Variants in NCOA2 observed in about 807,000 individuals in gnomAD.
The protein encoded by NCOA2 is nuclear receptor coactivator 2.
Under a neutral mutation model 145.1 loss-of-function variants are expected in NCOA2, and 21 were observed. The observed-to-expected ratio is 0.14, with a 90% CI of 0.10 to 0.21. NCOA2 has a LOEUF of 0.21. NCOA2 is among the 10% of genes least tolerant of loss of function. The pLI is 1.00. For synonymous variants in NCOA2, 619 were observed against 637.5 expected (o/e 0.97, Z 0.44); for missense variants, 1,472 against 1,837.6 (o/e 0.80, Z 3.64).
At chr8:70,140,886 C>T (rs1327999580) in intron 14 of NCOA2, among the ~76,000 whole-genome samples, 4 of 151,928 alleles carry the variant, frequency 2.6e-5, no homozygotes, top group Admixed American at 1.3e-4. Context: ...CGTGAGTCAC[C>T]GTGCCTGGCC....
At chr8:70,161,461 G>A (rs1812990555) in intron 9 of NCOA2, among the ~76,000 whole-genome samples, 1 of 152,102 alleles carries the variant, frequency 6.6e-6, no homozygotes, top group Admixed American at 6.5e-5. Context: ...GAAGACACAA[G>A]TTGTTGGATT....
chr8:70,118,084 C>A (rs1807349848), intron 22 of NCOA2, among the ~76,000 whole-genome samples: 1 of 152,172 alleles, frequency 6.6e-6, no homozygotes, highest in Admixed American at 6.5e-5. Context: ...TCTCGGGGCA[C>A]CTGCTCTGCT....
In NCOA2 at chr8:70,208,483, A is replaced by C. The variant is rs186561937; in HGVS notation, c.259+5420T>G. Among the ~76,000 whole-genome samples the C allele has an allele frequency of 1.4e-3, 207 of 152,352 alleles. 2 individuals carry two copies. The highest frequency in any genetic ancestry group is 2.6e-3 in the Non-Finnish European group (180 of 68,032). Reference sequence around the variant, plus strand: ...TGGTTACACTAAGCAATAGATTTTCAATGTAGACAAAAAAACCTTCTGTTG... The same window carrying C: ...TGGTTACACTAAGCAATAGATTTTCCATGTAGACAAAAAAACCTTCTGTTG... On this transcript the variant is annotated intron_variant, in intron 4 of 22. Transcript: ENST00000452400.
intron 1 of NCOA2, among the ~76,000 whole-genome samples, chr8:70,305,460 G>C (rs553725791): frequency 7.2e-5 from 11 of 152,312 alleles, no homozygotes; most frequent in African/African-American, 2.6e-4. Flanking sequence ...GAGGGCAAGA[G>C]AGGAGGTGTC....
At chr8:70,205,199 G>C (rs899280884) in intron 4 of NCOA2, among the ~76,000 whole-genome samples, 2 of 151,818 alleles carry the variant, frequency 1.3e-5, no homozygotes, top group Non-Finnish European at 2.9e-5. Context: ...ATTAGAAAGT[G>C]TTTTGTGAAA....
At chr8:70,146,733 T>C (rs1811105979) in intron 12 of NCOA2, among the ~76,000 whole-genome samples, 4 of 152,046 alleles carry the variant, frequency 2.6e-5, no homozygotes, top group African/African-American at 9.7e-5. Context: ...TTCACTCTTG[T>C]TGTCCACGGT....
intron 1 of NCOA2, among the ~76,000 whole-genome samples, chr8:70,397,075 A>C (rs748012950): frequency 3.9e-5 from 6 of 152,212 alleles, no homozygotes; most frequent in Non-Finnish European, 8.8e-5. Flanking sequence ...CACATCAAAA[A>C]AGCCTGTATC....
At position 70,126,864 on chromosome 8, in the gene NCOA2, G is replaced by C; in HGVS notation, c.3865C>G (p.Pro1289Ala). 1 of 1,613,976 alleles carries C rather than the reference G, an allele frequency of 6.2e-7. No individual in the cohort carries two copies. The highest frequency in any genetic ancestry group is 2.2e-5 in the East Asian group (1 of 44,892). ...PSGMPATMSN[P>A]RIPQANAQQF... ...TGTGCATTTGCCTGGGGAATCCGAG[G>C]GTTGCTCATAGTTGCTGGCATACCA... The change falls in exon 19 of 23, where the codon CCT becomes GCT. Residue 1289 changes from proline (P) to alanine (A), a missense_variant. Coordinates refer to ENST00000452400, the MANE Select transcript of NCOA2 (RefSeq NM_006540.4).
At chr8:70,373,361 C>T (rs1429759744) in intron 1 of NCOA2, among the ~76,000 whole-genome samples, 1 of 152,072 alleles carries the variant, frequency 6.6e-6, no homozygotes, top group African/African-American at 2.4e-5. Flanking sequence ...CCTGTACTTT[C>T]AATTTTTTGT....
chr8:70,163,059 C>T (rs1163190344), intron 8 of NCOA2, among the ~76,000 whole-genome samples: 1 of 151,680 alleles, frequency 6.6e-6, no homozygotes, highest in Admixed American at 6.6e-5. Flanking sequence ...GGATTACAGG[C>T]GTGTACCACC....
intron 1 of NCOA2, among the ~76,000 whole-genome samples, chr8:70,347,135 T>C (rs1487512637): frequency 6.6e-6 from 1 of 152,264 alleles, no homozygotes; most frequent in East Asian, 1.9e-4. Context: ...TTTACACACA[T>C]GTACTTTTAT....
At chr8:70,414,949 T>C in the NCOA2 span, among the ~76,000 whole-genome samples, 1 of 151,818 alleles carries the variant, frequency 6.6e-6, no homozygotes. Context: ...AAAAAAAAGA[T>C]AGGGTATGTT....
intron 2 of NCOA2, chr8:70,273,731 C>G (rs1005128944): frequency 1.6e-6 from 1 of 616,338 alleles, no homozygotes; most frequent in African/African-American, 1.8e-5. Flanking sequence ...AAGCACTGTC[C>G]AAACAATCTG....
chr8:70,161,178 G>C lies in NCOA2; in HGVS notation c.977-1526C>G, dbSNP rs28742195. Among the ~76,000 whole-genome samples, 1,468 of 152,244 alleles carry C rather than the reference G, an allele frequency of 9.6e-3. 18 individuals carry two copies. The highest frequency in any genetic ancestry group is 0.015 in the Non-Finnish European group (1,034 of 68,018). On this transcript the variant is annotated intron_variant, in intron 9 of 22. Transcript: ENST00000452400. ...TTTCAAAAGTTTGAAATGTCTATAC[G>C]GGGTTTCCTTCCAGTGGGTCCCATC...
intron 6 of NCOA2, among the ~76,000 whole-genome samples, chr8:70,167,368 T>C (rs1585925815): frequency 1.3e-5 from 2 of 152,136 alleles, no homozygotes; most frequent in Non-Finnish European, 2.9e-5. Flanking sequence ...TGCTCCACCA[T>C]ACCGGGCCCG....
intron 10 of NCOA2, among the ~76,000 whole-genome samples, chr8:70,157,854 A>G (rs1485159529): frequency 6.6e-6 from 1 of 152,210 alleles, no homozygotes; most frequent in Non-Finnish European, 1.5e-5. Flanking sequence ...TCCAAGTCAG[A>G]GCAAGACCTC....
At chr8:70,151,334 C>T (rs1224646424) in intron 11 of NCOA2, among the ~76,000 whole-genome samples, 2 of 151,880 alleles carry the variant, frequency 1.3e-5, no homozygotes, top group East Asian at 3.9e-4. Flanking sequence ...GTCACCCAGG[C>T]TGGAGTGCAG....
intron 1 of NCOA2, among the ~76,000 whole-genome samples, chr8:70,385,955 T>C (rs959101470): frequency 4.6e-5 from 7 of 152,264 alleles, no homozygotes; most frequent in African/African-American, 1.4e-4. Context: ...GTTACTTTAG[T>C]GCACGGTTTT....
intron 1 of NCOA2, among the ~76,000 whole-genome samples, chr8:70,387,191 A>G (rs1217629895): frequency 6.6e-6 from 1 of 152,226 alleles, no homozygotes; most frequent in African/African-American, 2.4e-5. Context: ...CTGTAGACAG[A>G]GTCTTGCTAT....
Sources: gnomAD v4.1 joint callset for allele counts (sites outside exome capture counted in the v4.1 genomes callset) on GRCh38, gnomAD v4.1.1 for gene constraint, MANE v1.5 for transcripts, NCBI Gene and HGNC (gene_info 2026-07-23, HGNC 2026-07-21) for gene names.